Variants in STAT5B observed in about 807,000 individuals in gnomAD.
STAT5B encodes transcription factor STAT5B.
A neutral mutation model predicts 107.8 loss-of-function variants in STAT5B; 21 were observed. The ratio of observed to expected loss-of-function variants is 0.19; its 90% CI spans 0.14 to 0.28. The LOEUF is 0.28. Among genes scored for constraint, STAT5B ranks in the 10% least tolerant of loss-of-function variants. The pLI is 1.00. For synonymous variants in STAT5B, 325 were observed against 401.7 expected, an observed-to-expected ratio of 0.81 and a Z score of 2.28; for missense variants, 565 against 1,008.2, an observed-to-expected ratio of 0.56 and a Z score of 5.95.
At chr17:42,245,629 T>C (rs1598325196) in intron 1 of STAT5B, among the ~76,000 whole-genome samples, 1 of 152,028 alleles carries the variant, frequency 6.6e-6, no homozygotes, top group African/African-American at 2.4e-5. Flanking sequence ...TTCAAGCAAT[T>C]CTCCTGCCTC....
Position 42,227,461 on chromosome 17 carries a change from G to C in STAT5B, c.285+68C>G. 1.9e-6 allele frequency: 3 copies of C among 1,606,166 alleles called. No homozygotes were observed. In the South Asian group the frequency reaches 3.3e-5, roughly 18 times the overall value. ...ACAATGCTGGACTGAAGGAGAGAAA[G>C]AAAGTCTCTACAGGAAGAAGACCCC... On this transcript the variant is annotated intron_variant, in intron 3 of 18. Transcript: ENST00000293328.
chr17:42,241,704 A>G (rs763406553), intron 1 of STAT5B, among the ~76,000 whole-genome samples: 7 of 152,068 alleles, frequency 4.6e-5, no homozygotes, highest in Non-Finnish European at 1.0e-4. Context: ...CGGCCTCCCA[A>G]AGTGTTGGGA....
chr17:42,255,559 C>A (rs1438540431), intron 1 of STAT5B, among the ~76,000 whole-genome samples: 1 of 152,162 alleles, frequency 6.6e-6, no homozygotes, highest in Admixed American at 6.5e-5. Context: ...CACAAAGGGG[C>A]AGATAGTGTA....
intron 1 of STAT5B, among the ~76,000 whole-genome samples, chr17:42,255,622 GA>G (rs1456573406): frequency 2.6e-5 from 4 of 152,330 alleles, no homozygotes; most frequent in African/African-American, 9.6e-5. Context: ...GAGACAGAAA[GA>G]ATGAATGGCG....
intron 5 of STAT5B, among the ~76,000 whole-genome samples, chr17:42,221,199 A>G (rs944619677): frequency 5.9e-5 from 9 of 152,212 alleles, no homozygotes; most frequent in African/African-American, 2.2e-4. Flanking sequence ...ATCGAGCAGG[A>G]AGAGGATCAT....
intron 1 of STAT5B, among the ~76,000 whole-genome samples, chr17:42,262,146 T>C (rs2080603731): frequency 6.6e-6 from 1 of 152,168 alleles, no homozygotes; most frequent in African/African-American, 2.4e-5. Context: ...CTTTAAACTC[T>C]GTCAAGTGTT....
chr17:42,211,960 G>A (rs2080133034), intron 13 of STAT5B, 24 bp downstream of exon 13: 1 of 1,592,580 alleles, frequency 6.3e-7, no homozygotes, highest in Admixed American at 1.8e-5. Context: ...TGATCTAACA[G>A]CGGCTGGCAG....
In STAT5B at chr17:42,202,612, T is replaced by C. The variant is rs1178789165; in HGVS notation, c.2129+145A>G. 3 of 1,480,658 alleles carry C rather than the reference T, an allele frequency of 2.0e-6. No individual in the cohort carries two copies. The African/African-American group carries it at 4.2e-5, about 21-fold the overall frequency. 91.7% of individuals were successfully genotyped at this position (1,480,658 alleles called of 1,614,324 possible). On this transcript the variant is annotated intron_variant, in intron 17 of 18. Coordinates refer to ENST00000293328, the MANE Select transcript of STAT5B (RefSeq NM_012448.4). Reference sequence around the variant, plus strand: ...AGGAGTGGGGCCTCAGGTACTGGCATAGCATCACCAAGCCCAGGTCCTTCC... The same window carrying C: ...AGGAGTGGGGCCTCAGGTACTGGCACAGCATCACCAAGCCCAGGTCCTTCC...
At chr17:42,270,600 A>G (rs2080715212) in intron 1 of STAT5B, 1 of 152,248 alleles carries the variant, frequency 6.6e-6, no homozygotes, top group African/African-American at 2.4e-5. Context: ...CACCATCTTC[A>G]TCAACATTTA....
At chr17:42,226,971 C>CA (rs1244458785) in intron 3 of STAT5B, among the ~76,000 whole-genome samples, 2,389 of 123,142 alleles carry the variant, frequency 0.019, 23 homozygotes, top group African/African-American at 0.028. Context: ...CTAAAAATAC[C>CA]AAAAAAAAAA....
chr17:42,245,319 G>A (rs193287336), intron 1 of STAT5B, among the ~76,000 whole-genome samples: 23 of 150,874 alleles, frequency 1.5e-4, no homozygotes, highest in Admixed American at 5.3e-4. Context: ...CTTGTGATCC[G>A]CCCACCTTGG....
intron 1 of STAT5B, among the ~76,000 whole-genome samples, chr17:42,244,401 T>C (rs1212977394): frequency 6.6e-6 from 1 of 152,014 alleles, no homozygotes; most frequent in Non-Finnish European, 1.5e-5. Context: ...AGCCTCAGAA[T>C]TTCTAGTGAA....
At chr17:42,225,160 T>A (rs1315801013) in intron 3 of STAT5B, among the ~76,000 whole-genome samples, 1 of 152,118 alleles carries the variant, frequency 6.6e-6, no homozygotes, top group East Asian at 1.9e-4. Context: ...GTTCAAGTAA[T>A]TCTCCTGCCT....
intron 1 of STAT5B, chr17:42,270,855 G>A (rs1046864621): frequency 6.6e-6 from 1 of 152,150 alleles, no homozygotes; most frequent in Non-Finnish European, 1.5e-5. Flanking sequence ...TTCCATCTGG[G>A]AATAATACCC....
chr17:42,255,452 G>A (rs985104655), intron 1 of STAT5B, among the ~76,000 whole-genome samples: 1 of 152,136 alleles, frequency 6.6e-6, no homozygotes, highest in African/African-American at 2.4e-5. Flanking sequence ...TGCATCACTG[G>A]CCAGGTCTAG....
At chr17:42,280,271 G>A (rs1210390359), upstream of STAT5B, among the ~76,000 whole-genome samples, 1 of 152,030 alleles carries the variant, frequency 6.6e-6, no homozygotes, top group Non-Finnish European at 1.5e-5. Flanking sequence ...GGAAGAGCCT[G>A]GGGGTCTAGT....
the STAT5B span, chr17:42,287,948 CT>C: frequency 6.6e-6 from 1 of 152,252 alleles, no homozygotes; most frequent in Non-Finnish European, 1.5e-5. Context: ...AGTTCTTCCC[CT>C]CTCTACAGTT....
chr17:42,279,581 A>C, upstream of STAT5B, among the ~76,000 whole-genome samples: 1 of 152,132 alleles, frequency 6.6e-6, no homozygotes, highest in African/African-American at 2.4e-5. Context: ...CGAGATCGGG[A>C]GTTCGAGACC....
rs547748291 is a variant in STAT5B, at chr17:42,249,111, G to C, written c.-10-16974C>G. The stretch of plus-strand genomic sequence containing the variant: ...TCTCCATCTAAAAATAAGATGGTAG[G>C]CTGGGTGAGGTGGCTCAGGCCTGTA... On this transcript the variant is annotated intron_variant, in intron 1 of 18. Transcript: ENST00000293328. Among the ~76,000 whole-genome samples, 17 of 152,362 alleles carry C rather than the reference G, an allele frequency of 1.1e-4. No individual in the cohort carries two copies. In the South Asian group the frequency reaches 2.9e-3, roughly 26 times the overall value.
Sources: gnomAD v4.1 joint callset for allele counts (sites outside exome capture counted in the v4.1 genomes callset) on GRCh38, gnomAD v4.1.1 for gene constraint, MANE v1.5 for transcripts, NCBI Gene and HGNC (gene_info 2026-07-23, HGNC 2026-07-21) for gene names.